Variants in NUP93 observed in about 807,000 individuals in gnomAD.
NUP93 encodes nucleoporin 93.
Under a neutral mutation model 107.8 loss-of-function variants are expected in NUP93, and 55 were observed. That is an observed-to-expected ratio of 0.51 (90% CI 0.41 to 0.64). The LOEUF (loss-of-function observed/expected upper bound fraction) is 0.64. NUP93 is among the 30% of genes least tolerant of loss of function. NUP93 has a pLI of 0.00. For missense variants in NUP93, 937 were observed against 1,044.7 expected (o/e 0.90, Z 1.42); for synonymous variants, 390 against 397.5 (o/e 0.98, Z 0.22).
intron 6 of NUP93, among the ~76,000 whole-genome samples, chr16:56,820,794 G>A (rs1337626792): frequency 6.6e-6 from 1 of 152,132 alleles, no homozygotes; most frequent in Non-Finnish European, 1.5e-5. Flanking sequence ...AGCTTAACTA[G>A]TTAAGATTTA....
chr16:56,766,276 C>G (rs1243907729), intron 3 of NUP93, among the ~76,000 whole-genome samples: 1 of 152,142 alleles, frequency 6.6e-6, no homozygotes, highest in African/African-American at 2.4e-5. Context: ...GAACAAGCCC[C>G]GTGGCTGAAA....
At chr16:56,760,569 G>T (rs1962105868) in intron 3 of NUP93, among the ~76,000 whole-genome samples, 1 of 152,070 alleles carries the variant, frequency 6.6e-6, no homozygotes, top group Non-Finnish European at 1.5e-5. Context: ...GCTAGAAAGA[G>T]TTGGGGGCAG....
intron 1 of NUP93, among the ~76,000 whole-genome samples, chr16:56,745,280 C>G (rs1406496114): frequency 6.6e-6 from 1 of 151,904 alleles, no homozygotes; most frequent in Non-Finnish European, 1.5e-5. Flanking sequence ...TGGGGACCAG[C>G]AAAGAGGCCC....
At chr16:56,731,063 C>T (rs1479933924) in intron 1 of NUP93, among the ~76,000 whole-genome samples, 9 of 151,546 alleles carry the variant, frequency 5.9e-5, no homozygotes, top group African/African-American at 2.2e-4. Context: ...TCTTTAAATT[C>T]TCCTTTGTGC....
At chr16:56,832,431 TTAAGG>T (rs1963814768) in intron 12 of NUP93, 43 bp downstream of exon 12, 3 of 1,473,694 alleles carry the variant, frequency 2.0e-6, no homozygotes, top group Non-Finnish European at 2.8e-6. Flanking sequence ...TCTTGTCCAC[TTAAGG>T]TGACTACTTC....
At chr16:56,832,754 C>T (rs370641898) in intron 12 of NUP93, among the ~76,000 whole-genome samples, 4 of 152,208 alleles carry the variant, frequency 2.6e-5, no homozygotes, top group South Asian at 2.1e-4. Flanking sequence ...TCTTTTTTCC[C>T]GTATTTTTTA....
chr16:56,848,725 A>G lies in NUP93; in HGVS notation c.*4116A>G, dbSNP rs533180503. On this transcript the variant is annotated 3_prime_UTR_variant, in exon 22 of 22. Coordinates refer to ENST00000308159, the MANE Select transcript of NUP93 (RefSeq NM_014669.5). ...TTACGCACATAACTTGTGACTGGCT[A>G]GATAGGCCACGTGTATTTATCAGCC... The G allele has an allele frequency of 1.3e-5, 2 of 152,368 alleles. No homozygotes were observed. Among genetic ancestry groups the G allele is most frequent in the African/African-American group, 4.8e-5 (2 of 41,586 alleles). The allele number at this position is 152,368 out of a possible 1,614,324, so 9.4% of individuals were successfully genotyped here.
intron 4 of NUP93, among the ~76,000 whole-genome samples, chr16:56,803,755 T>A (rs1044576325): frequency 2.0e-5 from 3 of 151,710 alleles, no homozygotes; most frequent in African/African-American, 7.2e-5. Flanking sequence ...AAAATATATA[T>A]ATATATATAT....
At position 56,840,788 on chromosome 16, in the gene NUP93, G is replaced by A. The variant is rs528139642; in HGVS notation, c.2221-917G>A. Among the ~76,000 whole-genome samples the A allele has an allele frequency of 7.9e-5, 12 of 152,272 alleles. No individual in the cohort carries two copies. The South Asian group carries it at 2.5e-3, about 32-fold the overall frequency. The stretch of plus-strand genomic sequence containing the variant: ...AGGCGGACTGATCACCTGAGGTCAG[G>A]AGTTCGAGACCAGCCTGGCCAACAT... On this transcript the variant is annotated intron_variant, in intron 20 of 21. Transcript: ENST00000308159.
intron 1 of NUP93, among the ~76,000 whole-genome samples, chr16:56,739,499 C>A (rs1366907617): frequency 1.9e-5 from 2 of 104,384 alleles, no homozygotes; most frequent in African/African-American, 3.9e-5. Flanking sequence ...ACCTCCCGGA[C>A]GGGGCGGCTG....
At chr16:56,827,869 C>T (rs1963700302) in intron 8 of NUP93, among the ~76,000 whole-genome samples, 1 of 152,182 alleles carries the variant, frequency 6.6e-6, no homozygotes, top group African/African-American at 2.4e-5. Context: ...CCTGTAATCC[C>T]AGCACTTTGG....
chr16:56,785,397 C>T (rs1170680134), intron 3 of NUP93, among the ~76,000 whole-genome samples: 2 of 152,122 alleles, frequency 1.3e-5, no homozygotes, highest in African/African-American at 4.8e-5. Flanking sequence ...TTTGGCTGCT[C>T]GGAAGAGCCT....
chr16:56,824,418 G>A (rs1245232202), intron 8 of NUP93, among the ~76,000 whole-genome samples: 1 of 152,192 alleles, frequency 6.6e-6, no homozygotes, highest in Non-Finnish European at 1.5e-5. Context: ...TGTGCCCGAA[G>A]TATTGTTCCC....
intron 3 of NUP93, among the ~76,000 whole-genome samples, chr16:56,773,833 A>G (rs182196446): frequency 6.6e-6 from 1 of 152,288 alleles, no homozygotes; most frequent in Non-Finnish European, 1.5e-5. Context: ...TCACTAAACA[A>G]ACTGTAAACA....
chr16:56,756,026 A>T (rs1373724199), intron 2 of NUP93, among the ~76,000 whole-genome samples: 1 of 152,124 alleles, frequency 6.6e-6, no homozygotes. Context: ...TATTAATCAC[A>T]ACTAATCACA....
chr16:56,762,424 ATAAC>A (rs779176969), intron 3 of NUP93, among the ~76,000 whole-genome samples: 3 of 152,228 alleles, frequency 2.0e-5, no homozygotes, highest in Non-Finnish European at 2.9e-5. Flanking sequence ...GACTTTCAAA[ATAAC>A]TAAGAGTGGA....
At chr16:56,789,115 C>T (rs1358626121) in intron 3 of NUP93, among the ~76,000 whole-genome samples, 2 of 152,084 alleles carry the variant, frequency 1.3e-5, no homozygotes, top group Non-Finnish European at 2.9e-5. Flanking sequence ...AGGCCTGTGG[C>T]TTTCCCAGAA....
At chr16:56,801,416 A>G (rs1266226435) in intron 4 of NUP93, among the ~76,000 whole-genome samples, 1 of 152,074 alleles carries the variant, frequency 6.6e-6, no homozygotes, top group Non-Finnish European at 1.5e-5. Flanking sequence ...ATATTGGATC[A>G]TTTATTTATT....
intron 1 of NUP93, among the ~76,000 whole-genome samples, chr16:56,742,523 A>G (rs1961755735): frequency 6.6e-6 from 1 of 152,342 alleles, no homozygotes. Context: ...CATATTATCT[A>G]TGCCTGCTTT....
Sources: allele counts gnomAD v4.1 joint callset (sites outside exome capture counted in the v4.1 genomes callset), GRCh38; gene constraint gnomAD v4.1.1; transcripts MANE v1.5; gene names NCBI Gene and HGNC (gene_info 2026-07-23, HGNC 2026-07-21).